The following ATP10B variants were observed in gnomAD, a reference collection of about 807,000 sequenced individuals.
The protein encoded by ATP10B is ATPase phospholipid transporting 10B (putative), also known as phospholipid-transporting ATPase VB.
A neutral mutation model predicts 141.2 loss-of-function variants in ATP10B; 122 were observed. The ratio of observed to expected loss-of-function variants is 0.86; its 90% CI spans 0.75 to 1.00. The LOEUF (loss-of-function observed/expected upper bound fraction) is 1.00, where lower values mean the gene tolerates loss of function less well. ATP10B is among the 50% of genes least tolerant of loss of function. The pLI is 0.00. For missense variants in ATP10B, 1,876 were observed against 1,825.3 expected (o/e 1.03, Z -0.51); for synonymous variants, 685 against 692.0 (o/e 0.99, Z 0.16).
At chr5:160,821,860 TA>T in intron 1 of ATP10B, among the ~76,000 whole-genome samples, 1 of 152,140 alleles carries the variant, frequency 6.6e-6, no homozygotes, top group East Asian at 1.9e-4. Context: ...AAAAATCAAA[TA>T]AAAATGGATT....
chr5:160,800,335 T>G (rs1772293372), intron 1 of ATP10B, among the ~76,000 whole-genome samples: 1 of 152,220 alleles, frequency 6.6e-6, no homozygotes. Context: ...TAAAATTAAA[T>G]GAAATCCTGT....
intron 22 of ATP10B, among the ~76,000 whole-genome samples, chr5:160,592,274 T>C (rs1329961167): frequency 6.6e-6 from 1 of 152,170 alleles, no homozygotes; most frequent in Non-Finnish European, 1.5e-5. Context: ...TAGCTATAAA[T>C]CCCAAGGGTT....
At chr5:160,655,141 A>G (rs1423918807) in intron 7 of ATP10B, among the ~76,000 whole-genome samples, 1 of 152,236 alleles carries the variant, frequency 6.6e-6, no homozygotes, top group Non-Finnish European at 1.5e-5. Flanking sequence ...AAAATATACA[A>G]AAATTATAAT....
At chr5:160,652,834 ATATAT>A (rs1248576942) in intron 7 of ATP10B, among the ~76,000 whole-genome samples, 3 of 99,202 alleles carry the variant, frequency 3.0e-5, no homozygotes, top group East Asian at 5.0e-4. Context: ...ATTATATATA[ATATAT>A]ATTATAAAAA....
rs999666974 is a variant in ATP10B at position 160,748,037 on chromosome 5, G to T, written c.-330-31003C>A. Among the ~76,000 whole-genome samples, 23 of 151,704 alleles carry T rather than the reference G, an allele frequency of 1.5e-4. 1 individual carries two copies. The highest frequency in any genetic ancestry group is 1.0e-3 in the South Asian group (5 of 4,800). ...AAAAAGCGGCCGGGGTTGTGGCGGGGAGCGCAGAGGGGTTTCGCTATTTGC... is the reference window on the plus strand; with the variant it reads ...AAAAAGCGGCCGGGGTTGTGGCGGGTAGCGCAGAGGGGTTTCGCTATTTGC... On this transcript the variant is annotated intron_variant, in intron 2 of 25. Transcript: ENST00000327245.
chr5:160,673,533 GTTTTTT>G (rs34256429), intron 6 of ATP10B, among the ~76,000 whole-genome samples: 1 of 150,110 alleles, frequency 6.7e-6, no homozygotes, highest in African/African-American at 2.4e-5. Context: ...ATTTTGTTTT[GTTTTTT>G]TTTTTTTTTT....
intron 25 of ATP10B, among the ~76,000 whole-genome samples, chr5:160,567,341 G>A (rs10070163): frequency 5.4e-4 from 82 of 152,292 alleles, no homozygotes; most frequent in African/African-American, 1.9e-3. Flanking sequence ...CCTCAAGGAA[G>A]GAAGTGCTGA....
At chr5:160,693,003 A>G (rs1354665210) in intron 3 of ATP10B, 1 of 152,180 alleles carries the variant, frequency 6.6e-6, no homozygotes, top group African/African-American at 2.4e-5. Context: ...GATATGATGT[A>G]TTGAGAACAT....
At chr5:160,794,673 C>A (rs903975684) in intron 1 of ATP10B, among the ~76,000 whole-genome samples, 4 of 152,138 alleles carry the variant, frequency 2.6e-5, no homozygotes, top group African/African-American at 9.7e-5. Flanking sequence ...TCTGACTATT[C>A]TAAAAACATC....
the ATP10B span, among the ~76,000 whole-genome samples, chr5:160,869,507 C>A: frequency 6.6e-6 from 1 of 152,042 alleles, no homozygotes; most frequent in East Asian, 1.9e-4. Flanking sequence ...TGTTTGCTCA[C>A]AAAAACCCTT....
intron 2 of ATP10B, among the ~76,000 whole-genome samples, chr5:160,729,003 C>A (rs1205939607): frequency 6.6e-6 from 1 of 152,128 alleles, no homozygotes; most frequent in African/African-American, 2.4e-5. Flanking sequence ...CCACAGAGCT[C>A]CCTGATCCTT....
intron 2 of ATP10B, among the ~76,000 whole-genome samples, chr5:160,783,590 CACACACAT>C (rs200897700): frequency 0.074 from 9,775 of 132,226 alleles, 477 homozygotes; most frequent in East Asian, 0.15. Flanking sequence ...CACACACACA[CACACACAT>C]ACACACACAC....
the ATP10B span, among the ~76,000 whole-genome samples, chr5:160,899,226 G>T: frequency 3.3e-5 from 5 of 152,030 alleles, no homozygotes; most frequent in South Asian, 2.1e-4. Context: ...ATTGAAAGTG[G>T]GGGGGAGGGG....
intron 3 of ATP10B, among the ~76,000 whole-genome samples, chr5:160,714,119 C>A (rs1765454272): frequency 1.8e-5 from 1 of 54,496 alleles, no homozygotes; most frequent in African/African-American, 8.2e-5. Flanking sequence ...CGAGGAGTAT[C>A]TTTGTTGCGT....
In ATP10B at chr5:160,687,871, G is replaced by GCCAGGGTATCTCCTGGAGACC; in HGVS notation, c.183_203dup (p.Val62_Gly68dup). 2.5e-6 allele frequency: 4 copies of GCCAGGGTATCTCCTGGAGACC among 1,614,160 alleles called. No individual in the cohort carries two copies. Among genetic ancestry groups the GCCAGGGTATCTCCTGGAGACC allele is most frequent in the Non-Finnish European group, 3.4e-6 (4 of 1,180,024 alleles). On this transcript the variant is annotated inframe_insertion, in exon 5 of 26. Coordinates refer to ENST00000327245, the MANE Select transcript of ATP10B (RefSeq NM_025153.3). ...TGTATTTGGTTGTGCAGGTTCTGTT[G>GCCAGGGTATCTCCTGGAGACC]CCAGGGTATCTCCTGGAGACCTCTT...
chr5:160,629,305 G>A (rs1758784259), intron 13 of ATP10B, among the ~76,000 whole-genome samples: 2 of 152,110 alleles, frequency 1.3e-5, no homozygotes, highest in African/African-American at 4.8e-5. Context: ...CCAGCTAGAT[G>A]TATTTGATGG....
rs779628216 is a variant in ATP10B at position 160,569,606 on chromosome 5, G to A, written c.3828C>T (p.Cys1276=). 20 of 1,613,464 alleles carry A rather than the reference G, an allele frequency of 1.2e-5. 1 individual carries two copies. Among genetic ancestry groups the A allele is most frequent in the Middle Eastern group, 3.3e-4 (2 of 6,070 alleles). Residue 1276 remains cysteine (C), a synonymous_variant, in exon 25 of 26, where the codon TGC becomes TGT. Transcript: ENST00000327245. The part of the protein sequence containing the change: ...FLVSLLYNAT[C]VICNSPTNPY... ...GATTGGTGGGGCTGTTGCAGATGAC[G>A]CAGGTGGCATTGTACAGGAGGGATA...
At chr5:160,919,668 T>C in the ATP10B span, among the ~76,000 whole-genome samples, 1 of 152,186 alleles carries the variant, frequency 6.6e-6, no homozygotes, top group African/African-American at 2.4e-5. Flanking sequence ...CCAGCCCCTC[T>C]CTGCTGACTG....
intron 6 of ATP10B, among the ~76,000 whole-genome samples, chr5:160,680,277 A>G (rs563447579): frequency 6.6e-6 from 1 of 151,526 alleles, no homozygotes; most frequent in Admixed American, 6.6e-5. Context: ...CATGAGATGT[A>G]ATTTCTTATG....
Sources: allele counts gnomAD v4.1 joint callset (sites outside exome capture counted in the v4.1 genomes callset), GRCh38; gene constraint gnomAD v4.1.1; transcripts MANE v1.5; gene names NCBI Gene and HGNC (gene_info 2026-07-23, HGNC 2026-07-21).